The following VAC14 variants were observed in gnomAD, a reference collection of about 807,000 sequenced individuals.
VAC14 encodes protein VAC14 homolog.
Under a neutral mutation model 85.3 loss-of-function variants are expected in VAC14, and 47 were observed. The observed-to-expected ratio is 0.55, with a 90% CI of 0.44 to 0.70. VAC14 has a LOEUF of 0.70. Among genes scored for constraint, VAC14 ranks in the 30% least tolerant of loss-of-function variants. The pLI is 0.00. For synonymous variants in VAC14, 447 were observed against 430.5 expected, an observed-to-expected ratio of 1.04 and a Z score of -0.47; for missense variants, 861 against 1,004.3, an observed-to-expected ratio of 0.86 and a Z score of 1.93.
intron 18 of VAC14, chr16:70,692,010 C>G (rs993033810): frequency 1.0e-6 from 1 of 984,662 alleles, no homozygotes; most frequent in Admixed American, 6.2e-5. Context: ...CTCCATTCAG[C>G]GTAAATCTTC....
At chr16:70,773,518 C>A (rs1035535017) in intron 9 of VAC14, among the ~76,000 whole-genome samples, 1 of 152,180 alleles carries the variant, frequency 6.6e-6, no homozygotes. Context: ...CGCCTTCAGT[C>A]CCCGTCTAGG....
At chr16:70,784,583 G>A (rs1396799325) in intron 4 of VAC14, among the ~76,000 whole-genome samples, 193 bp downstream of exon 4, 1 of 152,124 alleles carries the variant, frequency 6.6e-6, no homozygotes, top group Non-Finnish European at 1.5e-5. Context: ...TTGGGTGATG[G>A]CACAGTTCTG....
chr16:70,784,174 G>A lies in VAC14; in HGVS notation c.533C>T (p.Pro178Leu). 1 of 1,614,202 alleles carries A rather than the reference G, an allele frequency of 6.2e-7. No homozygotes were observed. The highest frequency in any genetic ancestry group is 8.5e-7 in the Non-Finnish European group (1 of 1,180,034). ...GGAGTAAATCCTCTCTCGCAACAAG[G>A]GGATGAAGCTCACCAGGTCAAACTT... ...SNKFDLVSFI[P>L]LLRERIYSNN... The change falls in exon 5 of 19, where the codon CCC (proline) becomes CTC (leucine). Residue 178 changes from proline (P) to leucine (L), a missense_variant. Pro to Leu is a moderately conservative substitution (Grantham distance 98, BLOSUM62 -3). Coordinates refer to ENST00000261776, the MANE Select transcript of VAC14 (RefSeq NM_018052.5).
At chr16:70,692,752 C>T in intron 18 of VAC14, 69 bp downstream of exon 18, 1 of 1,545,580 alleles carries the variant, frequency 6.5e-7, no homozygotes, top group Non-Finnish European at 8.7e-7. Flanking sequence ...CAAGGCCCTT[C>T]CTCACCAGGC....
chr16:70,783,827 G>A, intron 5 of VAC14, among the ~76,000 whole-genome samples: 1 of 152,204 alleles, frequency 6.6e-6, no homozygotes, highest in Non-Finnish European at 1.5e-5. Context: ...GAAAAAGTGA[G>A]ATTGCTGGAA....
At chr16:70,726,665 T>C (rs1280972371) in intron 14 of VAC14, among the ~76,000 whole-genome samples, 3 of 152,182 alleles carry the variant, frequency 2.0e-5, no homozygotes, top group African/African-American at 7.2e-5. Flanking sequence ...TCTGCCTTAG[T>C]CCTGCAAAGT....
At chr16:70,734,618 C>A (rs772366629) in intron 13 of VAC14, among the ~76,000 whole-genome samples, 1 of 152,070 alleles carries the variant, frequency 6.6e-6, no homozygotes, top group Non-Finnish European at 1.5e-5. Context: ...TTTTTATATA[C>A]AGTGTGAGGA....
At position 70,786,306 on chromosome 16, in the gene VAC14, G is replaced by C. The variant is rs993402924; in HGVS notation, c.164C>G (p.Thr55Ser). 1.2e-6 allele frequency: 2 copies of C among 1,614,248 alleles called. No individual in the cohort carries two copies. Among genetic ancestry groups the C allele is most frequent in the African/African-American group, 1.3e-5 (1 of 75,070 alleles). ...AGACAGGGCAAACTCCTGGGACAGG[G>C]TCTGGATCACATGCTTGATTTGCAC... ...NTVQIKHVIQ[T>S]LSQEFALSQH... Residue 55 changes from threonine (T) to serine (S), a missense_variant, in exon 2 of 19, where the codon ACC becomes AGC. Thr to Ser is a moderately conservative substitution (Grantham distance 58). Transcript: ENST00000261776.
intron 4 of VAC14, 28 bp from the exon 5 acceptor site, chr16:70,784,248 G>C: frequency 6.3e-7 from 1 of 1,595,228 alleles, no homozygotes; most frequent in Non-Finnish European, 8.6e-7. Flanking sequence ...GTGAGCTGCC[G>C]AGAGCCCGAG....
chr16:70,695,829 G>C (rs1174421786), intron 16 of VAC14: 2 of 532,122 alleles, frequency 3.8e-6, no homozygotes, highest in Non-Finnish European at 6.8e-6. Context: ...GGAGTTCCAG[G>C]TTCCACTCTA....
rs1384983002 is a variant in VAC14 at position 70,759,053 on chromosome 16, C to T, written c.1371+3487G>A. 2.6e-5 allele frequency among the ~76,000 whole-genome samples: 4 copies of T among 152,188 alleles called. No individual in the cohort carries two copies. In the East Asian group the frequency reaches 7.7e-4, roughly 29 times the overall value. Reference sequence around the variant, plus strand: ...GACGAGACACCCCAGCGAGGCCACGCACCCGTGGGACTGACAGAGATGGTG... The same window carrying T: ...GACGAGACACCCCAGCGAGGCCACGTACCCGTGGGACTGACAGAGATGGTG... On this transcript the variant is annotated intron_variant, in intron 12 of 18. Coordinates refer to ENST00000261776, the MANE Select transcript of VAC14 (RefSeq NM_018052.5).
At chr16:70,781,630 C>T (rs2033814426) in intron 8 of VAC14, among the ~76,000 whole-genome samples, 1 of 152,124 alleles carries the variant, frequency 6.6e-6, no homozygotes, top group South Asian at 2.1e-4. Context: ...AACTTTGGGG[C>T]CCCAGAGAGC....
chr16:70,695,736 G>T, intron 16 of VAC14, 113 bp from the exon 17 acceptor site: 3 of 1,007,276 alleles, frequency 3.0e-6, no homozygotes, highest in Non-Finnish European at 3.0e-6. Context: ...CCTGGTTGTG[G>T]TGAAGCAGGA....
intron 8 of VAC14, among the ~76,000 whole-genome samples, 192 bp from the exon 9 acceptor site, chr16:70,781,131 T>G (rs1256034608): frequency 1.3e-5 from 2 of 152,100 alleles, no homozygotes; most frequent in Non-Finnish European, 2.9e-5. Context: ...CTTGCTCTAT[T>G]ATTATTCATG....
At chr16:70,741,654 C>A (rs1322413372) in intron 13 of VAC14, among the ~76,000 whole-genome samples, 3 of 152,232 alleles carry the variant, frequency 2.0e-5, no homozygotes, top group Admixed American at 1.3e-4. Flanking sequence ...AGAAGTGTGA[C>A]TGGCTGCAGG....
At chr16:70,688,859 C>A in intron 18 of VAC14, 1 of 985,574 alleles carries the variant, frequency 1.0e-6, no homozygotes, top group Non-Finnish European at 1.2e-6. Flanking sequence ...CCTACTCACC[C>A]TCCAGCAGTG....
intron 12 of VAC14, among the ~76,000 whole-genome samples, chr16:70,752,158 T>TA (rs2143019562): frequency 6.6e-6 from 1 of 152,358 alleles, no homozygotes; most frequent in East Asian, 1.9e-4. Context: ...ATTCTGTGTT[T>TA]AAACATTTTG....
At chr16:70,770,583 C>G (rs2033146640) in intron 10 of VAC14, 1 of 152,382 alleles carries the variant, frequency 6.6e-6, no homozygotes, top group Admixed American at 6.5e-5. Context: ...TTCTCATTGC[C>G]TGGGCTCAGG....
At position 70,779,954 on chromosome 16, in the gene VAC14, C is replaced by T. The variant is rs140730064; in HGVS notation, c.1096+836G>A. On this transcript the variant is annotated intron_variant, in intron 9 of 18. Coordinates refer to ENST00000261776, the MANE Select transcript of VAC14 (RefSeq NM_018052.5). ...GGCTCCTGGGCTCAAGTGATCCTCC[C>T]GCTTCAGCTTCCTGAGGAGCTGGGA... 3.5e-3 allele frequency among the ~76,000 whole-genome samples: 539 copies of T among 152,068 alleles called. 3 individuals carry two copies. The highest frequency in any genetic ancestry group is 0.012 in the African/African-American group (478 of 41,474).
Sources: gnomAD v4.1 joint callset for allele counts (sites outside exome capture counted in the v4.1 genomes callset) on GRCh38, gnomAD v4.1.1 for gene constraint, MANE v1.5 for transcripts, NCBI Gene and HGNC (gene_info 2026-07-23, HGNC 2026-07-21) for gene names.